The following TOX variants were observed in gnomAD, a reference collection of about 807,000 sequenced individuals.
TOX encodes the protein thymocyte selection-associated high mobility group box protein TOX.
In TOX, 11 loss-of-function variants were observed where a neutral mutation model predicts 53.7. That is an observed-to-expected ratio of 0.20 (90% CI 0.13 to 0.34). TOX has a LOEUF of 0.34. Among genes scored for constraint, TOX ranks in the 10% least tolerant of loss-of-function variants. The pLI is 1.00. For missense variants in TOX, 570 were observed against 664.6 expected, an observed-to-expected ratio of 0.86 and a Z score of 1.56; for synonymous variants, 225 against 245.3, an observed-to-expected ratio of 0.92 and a Z score of 0.77.
At chr8:58,944,790 T>G (rs1255170803) in intron 2 of TOX, among the ~76,000 whole-genome samples, 1 of 152,104 alleles carries the variant, frequency 6.6e-6, no homozygotes, top group African/African-American at 2.4e-5. Context: ...ATGCCATGGG[T>G]TGGGTCATGT....
intron 1 of TOX, among the ~76,000 whole-genome samples, chr8:59,051,571 C>A (rs182001445): frequency 6.6e-6 from 1 of 152,016 alleles, no homozygotes; most frequent in African/African-American, 2.4e-5. Context: ...TGAAAGACAC[C>A]ACACTAGAAA....
chr8:59,052,072 C>G (rs1429773232), intron 1 of TOX, among the ~76,000 whole-genome samples: 1 of 152,100 alleles, frequency 6.6e-6, no homozygotes, highest in African/African-American at 2.4e-5. Flanking sequence ...ACAAAGCTTA[C>G]AAAGAAAATT....
At chr8:58,959,146 GT>G (rs1341812194) in intron 2 of TOX, among the ~76,000 whole-genome samples, 2 of 152,150 alleles carry the variant, frequency 1.3e-5, no homozygotes, top group African/African-American at 4.8e-5. Context: ...CCTGTGAACT[GT>G]TCCTTGCTTT....
At chr8:58,950,370 G>A (rs1170818091) in intron 2 of TOX, among the ~76,000 whole-genome samples, 5 of 152,172 alleles carry the variant, frequency 3.3e-5, no homozygotes, top group African/African-American at 4.8e-5. Context: ...CCAAATTAGC[G>A]GAGGACCAGA....
chr8:58,912,690 G>A (rs1563387564), intron 3 of TOX, among the ~76,000 whole-genome samples: 1 of 152,168 alleles, frequency 6.6e-6, no homozygotes, highest in Non-Finnish European at 1.5e-5. Context: ...AAACCCCACG[G>A]CTCAGGAGTG....
At chr8:58,820,647 T>C (rs914236181) in intron 6 of TOX, among the ~76,000 whole-genome samples, 1 of 152,206 alleles carries the variant, frequency 6.6e-6, no homozygotes, top group African/African-American at 2.4e-5. Flanking sequence ...CTGCGGGTTA[T>C]ATCTGGGTGA....
Position 58,823,685 on chromosome 8 carries a change from T to A in TOX, c.1005+3137A>T, listed in dbSNP as rs147294703. ...AGGATCACTTCAGGCCTTTCAAGTA[T>A]CATGAAACAGTCCACTTGGATCTGC... On this transcript the variant is annotated intron_variant, in intron 6 of 8. Coordinates refer to ENST00000361421, the MANE Select transcript of TOX (RefSeq NM_014729.3). 2.8e-3 allele frequency among the ~76,000 whole-genome samples: 421 copies of A among 152,324 alleles called. 2 individuals carry two copies. Among genetic ancestry groups the A allele is most frequent in the African/African-American group, 9.8e-3 (407 of 41,568 alleles).
chr8:58,816,148 C>G (rs1034982506), intron 6 of TOX, among the ~76,000 whole-genome samples: 2 of 152,116 alleles, frequency 1.3e-5, no homozygotes, highest in African/African-American at 4.8e-5. Flanking sequence ...TTTAATTTTT[C>G]CTTTTTTATA....
chr8:58,960,965 A>T (rs1446377166), intron 1 of TOX, among the ~76,000 whole-genome samples: 5 of 152,224 alleles, frequency 3.3e-5, no homozygotes, highest in Admixed American at 2.0e-4. Flanking sequence ...ATATACTTTC[A>T]TTGGTGGACT....
At chr8:58,847,041 A>G (rs1033331200) in intron 4 of TOX, among the ~76,000 whole-genome samples, 1 of 152,154 alleles carries the variant, frequency 6.6e-6, no homozygotes, top group African/African-American at 2.4e-5. Context: ...GGTCTGAAAA[A>G]TTCAGGCCAA....
At chr8:58,853,425 T>C (rs1053045458) in intron 3 of TOX, among the ~76,000 whole-genome samples, 2 of 152,174 alleles carry the variant, frequency 1.3e-5, no homozygotes, top group African/African-American at 4.8e-5. Flanking sequence ...TGTCAGTCTA[T>C]GGAAGAGGAA....
intron 1 of TOX, among the ~76,000 whole-genome samples, chr8:59,094,602 T>A (rs1423355621): frequency 1.3e-5 from 2 of 151,690 alleles, no homozygotes; most frequent in African/African-American, 4.8e-5. Context: ...ATAATAATTA[T>A]AAGTAATGAT....
At chr8:59,000,286 G>C (rs1384878078) in intron 1 of TOX, among the ~76,000 whole-genome samples, 2 of 152,130 alleles carry the variant, frequency 1.3e-5, no homozygotes, top group Admixed American at 1.3e-4. Context: ...ATATTGAAGA[G>C]AAAGTGATAA....
Position 58,808,158 on chromosome 8 carries a change from G to A in TOX, c.1504C>T (p.Pro502Ser), listed in dbSNP as rs751964788. 6.2e-7 allele frequency: 1 copy of A among 1,614,080 alleles called. No homozygotes were observed. Among genetic ancestry groups the A allele is most frequent in the Non-Finnish European group, 8.5e-7 (1 of 1,179,984 alleles). The change falls in exon 8 of 9, where the codon CCA becomes TCA. Residue 502 changes from proline (P) to serine (S), a missense_variant. Physicochemically the swap from Pro to Ser is moderately conservative, Grantham distance 74. This residue lies in a region of TOX where 239 missense variants were observed against 250.7 expected (regional missense o/e 0.95). Transcript: ENST00000361421. ...YVRSGCRNPP[P>S]QPVDWNNDYC... ...TCGTTATTCCAGTCCACCGGTTGTG[G>A]GGGAGGATTTCTGCACCCCGAACGC...
chr8:58,973,159 C>G (rs1312562282), intron 1 of TOX, among the ~76,000 whole-genome samples: 1 of 152,092 alleles, frequency 6.6e-6, no homozygotes, highest in East Asian at 1.9e-4. Flanking sequence ...TGATATAGTA[C>G]CTATTCCCCA....
intron 3 of TOX, among the ~76,000 whole-genome samples, chr8:58,866,765 T>C (rs1356738992): frequency 6.6e-6 from 1 of 152,224 alleles, no homozygotes; most frequent in Non-Finnish European, 1.5e-5. Flanking sequence ...ATGTTAAGTA[T>C]GTGTGCTACG....
At chr8:58,954,648 T>C (rs1203084440) in intron 2 of TOX, among the ~76,000 whole-genome samples, 3 of 151,948 alleles carry the variant, frequency 2.0e-5, no homozygotes. Flanking sequence ...GTAAGATGAG[T>C]TCATGAGAAA....
intron 1 of TOX, among the ~76,000 whole-genome samples, chr8:59,053,095 A>G (rs73254499): frequency 0.1 from 15,497 of 152,154 alleles, 1,200 homozygotes; most frequent in South Asian, 0.2. Flanking sequence ...AAGAAATCAT[A>G]TATACAATCA....
intron 1 of TOX, among the ~76,000 whole-genome samples, chr8:59,096,528 C>T (rs1227423376): frequency 6.6e-6 from 1 of 152,138 alleles, no homozygotes; most frequent in Non-Finnish European, 1.5e-5. Context: ...AATTTGGTGA[C>T]ACATACAAAA....
Sources: allele counts gnomAD v4.1 joint callset (sites outside exome capture counted in the v4.1 genomes callset), GRCh38; gene constraint gnomAD v4.1.1; regional missense constraint gnomAD v4.1.1; transcripts MANE v1.5; gene names NCBI Gene and HGNC (gene_info 2026-07-23, HGNC 2026-07-21).